Variants in ROBO2 observed in about 807,000 individuals in gnomAD.
The protein encoded by ROBO2 is roundabout homolog 2.
ROBO2 carries 53 observed loss-of-function variants against 160.8 expected under a neutral mutation model. The observed-to-expected ratio is 0.33, with a 90% confidence interval of 0.26 to 0.41. ROBO2 has a LOEUF of 0.41. Among genes scored for constraint, ROBO2 ranks in the 10% least tolerant of loss-of-function variants. ROBO2 has a pLI of 1.00. For missense variants in ROBO2, 1,577 were observed against 1,722.4 expected (o/e 0.92, Z 1.49); for synonymous variants, 664 against 611.7 (o/e 1.09, Z -1.26).
chr3:76,835,593 C>CT (rs748406881), intron 2 of ROBO2, among the ~76,000 whole-genome samples: 1 of 151,542 alleles, frequency 6.6e-6, no homozygotes, highest in East Asian at 1.9e-4. Flanking sequence ...ATAAGAACCA[C>CT]TTTGAGTCTT....
At chr3:76,187,334 G>T (rs1267133574) in intron 2 of ROBO2, among the ~76,000 whole-genome samples, 1 of 152,092 alleles carries the variant, frequency 6.6e-6, no homozygotes, top group Non-Finnish European at 1.5e-5. Context: ...GAGTGCAGTG[G>T]TATGAACATG....
intron 2 of ROBO2, among the ~76,000 whole-genome samples, chr3:76,774,712 G>T (rs1023376667): frequency 1.3e-5 from 2 of 150,634 alleles, no homozygotes; most frequent in Non-Finnish European, 3.0e-5. Context: ...GCGTTTGAAA[G>T]AAATCTATGT....
intron 2 of ROBO2, among the ~76,000 whole-genome samples, chr3:76,987,728 G>A (rs953833495): frequency 6.6e-6 from 1 of 152,016 alleles, no homozygotes; most frequent in East Asian, 1.9e-4. Context: ...AGTTCTCATA[G>A]ATTTTTTGTA....
intron 2 of ROBO2, among the ~76,000 whole-genome samples, chr3:76,829,880 TTG>T (rs1471007190): frequency 3.3e-5 from 5 of 152,018 alleles, no homozygotes; most frequent in Non-Finnish European, 5.9e-5. Context: ...GTTGACCAGG[TTG>T]GTTTCGAACC....
chr3:76,098,520 A>G (rs955596099), intron 2 of ROBO2, among the ~76,000 whole-genome samples: 1 of 151,418 alleles, frequency 6.6e-6, no homozygotes, highest in African/African-American at 2.4e-5. Context: ...ACATAGATCT[A>G]TACTATTAAG....
In ROBO2 at chr3:76,498,067, T is replaced by C. The variant is rs151290387; in HGVS notation, c.109+560465T>C. Among the ~76,000 whole-genome samples the C allele has an allele frequency of 6.0e-3, 907 of 152,350 alleles. 5 individuals carry two copies. The highest frequency in any genetic ancestry group is 0.011 in the Non-Finnish European group (740 of 68,034). On this transcript the variant is annotated intron_variant, in intron 2 of 26. Transcript: ENST00000487694. ...TGCCTTCCCAATTTGAAGATAGGTT[T>C]CAAGAAGAAAAAATTTTCAGTGGTA...
At chr3:76,746,302 G>A (rs71633302) in intron 2 of ROBO2, among the ~76,000 whole-genome samples, 94,531 of 150,126 alleles carry the variant, frequency 0.63, 29,738 homozygotes, top group Admixed American at 0.66. Flanking sequence ...ATACGTGTGC[G>A]TGTGTCTTTA....
At chr3:76,493,507 T>C (rs189336001) in intron 2 of ROBO2, among the ~76,000 whole-genome samples, 33 of 151,812 alleles carry the variant, frequency 2.2e-4, no homozygotes, top group Admixed American at 1.9e-3. Context: ...CCATATCCAA[T>C]TTTTTTGGAA....
At chr3:76,435,155 G>A in intron 2 of ROBO2, 1 of 998,224 alleles carries the variant, frequency 1.0e-6, no homozygotes, top group Non-Finnish European at 1.6e-6. Flanking sequence ...TTGATGACAT[G>A]GTGGGCATTG....
chr3:76,051,545 A>G (rs1314013433), intron 2 of ROBO2, among the ~76,000 whole-genome samples: 2 of 152,172 alleles, frequency 1.3e-5, no homozygotes, highest in Non-Finnish European at 1.5e-5. Flanking sequence ...TGTGGCTTGC[A>G]GAATATTGCA....
chr3:76,957,723 CA>C (rs1404331839), intron 2 of ROBO2, among the ~76,000 whole-genome samples: 2 of 151,558 alleles, frequency 1.3e-5, no homozygotes, highest in African/African-American at 4.8e-5. Context: ...CCCAGCTACT[CA>C]GGAGGCTGAG....
intron 2 of ROBO2, among the ~76,000 whole-genome samples, chr3:76,996,064 T>C (rs1359151636): frequency 1.3e-5 from 2 of 152,096 alleles, no homozygotes; most frequent in Non-Finnish European, 2.9e-5. Flanking sequence ...AGGTTTTCTT[T>C]TAGGGATTTT....
intron 2 of ROBO2, among the ~76,000 whole-genome samples, chr3:76,129,069 A>G (rs976423999): frequency 2.0e-5 from 3 of 152,062 alleles, no homozygotes; most frequent in Non-Finnish European, 2.9e-5. Flanking sequence ...CAAAAAAAAA[A>G]AAAGAAACTC....
intron 2 of ROBO2, among the ~76,000 whole-genome samples, chr3:76,939,913 A>G (rs1384859045): frequency 6.6e-6 from 1 of 150,694 alleles, no homozygotes; most frequent in Non-Finnish European, 1.5e-5. Context: ...AAATTTCTGG[A>G]TTGCTTTGTG....
chr3:77,293,570 C>T lies in ROBO2; in HGVS notation c.389-183844C>T, dbSNP rs530573050. 1.0e-4 allele frequency among the ~76,000 whole-genome samples: 14 copies of T among 139,844 alleles called. 2 individuals are homozygous for T. The highest frequency in any genetic ancestry group is 2.3e-4 in the African/African-American group (8 of 34,636). The allele number at this position is 139,844 out of a possible 152,430, so 91.7% of individuals were successfully genotyped here. A position where few individuals can be genotyped will look rare whatever the true frequency, so the allele number is the denominator to read the frequency against. ...CACTAAAGACATAAAGTAAAATTGA[C>T]GGGTAAACGGGTAAGCTGAGGCTAG... On this transcript the variant is annotated intron_variant, in intron 2 of 25. Coordinates refer to ENST00000461745, the Ensembl canonical transcript of ROBO2.
At chr3:77,038,525 T>C (rs1287671771), upstream of ROBO2, among the ~76,000 whole-genome samples, 2 of 152,098 alleles carry the variant, frequency 1.3e-5, no homozygotes, top group Admixed American at 1.3e-4. Flanking sequence ...CAAAGGCTCT[T>C]CCTCAGACGG....
At chr3:76,086,563 C>A (rs1458491900) in intron 2 of ROBO2, among the ~76,000 whole-genome samples, 1 of 152,150 alleles carries the variant, frequency 6.6e-6, no homozygotes, top group Non-Finnish European at 1.5e-5. Flanking sequence ...TCCTCTACTG[C>A]AATGCCTTAC....
chr3:77,431,872 G>A (rs887361782), intron 2 of ROBO2, among the ~76,000 whole-genome samples: 3 of 152,118 alleles, frequency 2.0e-5, no homozygotes, highest in Non-Finnish European at 4.4e-5. Flanking sequence ...ATTCAATAAC[G>A]TAAGTATGTT....
At chr3:76,328,324 A>G (rs1014981869) in intron 2 of ROBO2, among the ~76,000 whole-genome samples, 16 of 152,224 alleles carry the variant, frequency 1.1e-4, no homozygotes, top group African/African-American at 3.9e-4. Context: ...GATATTCCCA[A>G]AAGTATTCAT....
Sources: gnomAD v4.1 joint callset for allele counts (sites outside exome capture counted in the v4.1 genomes callset) on GRCh38, gnomAD v4.1.1 for gene constraint, MANE v1.5 for transcripts, NCBI Gene and HGNC (gene_info 2026-07-23, HGNC 2026-07-21) for gene names.